The following ARB2A variants were observed in gnomAD, a reference collection of about 807,000 sequenced individuals.
The protein encoded by ARB2A is cotranscriptional regulator ARB2A.
At chr5:93,773,469 A>G in the ARB2A span, among the ~76,000 whole-genome samples, 9 of 152,346 alleles carry the variant, frequency 5.9e-5, no homozygotes, top group South Asian at 1.9e-3. Context: ...GCATACTATG[A>G]TCACCTAATT....
the ARB2A span, among the ~76,000 whole-genome samples, chr5:93,913,865 T>C: frequency 6.6e-6 from 1 of 152,016 alleles, no homozygotes; most frequent in South Asian, 2.1e-4. Flanking sequence ...TAAACTATTA[T>C]AACATTGAAT....
the ARB2A span, among the ~76,000 whole-genome samples, chr5:93,973,006 T>G: frequency 4.6e-5 from 7 of 152,160 alleles, no homozygotes; most frequent in South Asian, 1.5e-3. Flanking sequence ...TGGAATGCAG[T>G]AGCATGATCA....
the ARB2A span, among the ~76,000 whole-genome samples, chr5:93,793,239 A>ATTTTTTTTT: frequency 0.016 from 1,061 of 64,712 alleles, 124 homozygotes; most frequent in South Asian, 0.02. Flanking sequence ...CTTCTGGCTA[A>ATTTTTTTTT]TTTTTTTTTT....
At chr5:93,683,232 C>G in the ARB2A span, 9 of 1,421,814 alleles carry the variant, frequency 6.3e-6, no homozygotes, top group Middle Eastern at 2.0e-4. Flanking sequence ...TCGTCATCAT[C>G]TTCATCAGCA....
the ARB2A span, among the ~76,000 whole-genome samples, chr5:93,786,072 C>A: frequency 1.1e-4 from 16 of 152,106 alleles, no homozygotes; most frequent in African/African-American, 3.9e-4. Flanking sequence ...CCAATTGTTG[C>A]TGAAGTACAA....
chr5:93,948,296 C>CTGCATAAA, the ARB2A span, among the ~76,000 whole-genome samples: 1 of 152,162 alleles, frequency 6.6e-6, no homozygotes, highest in East Asian at 1.9e-4. Flanking sequence ...TGTTTTTTGG[C>CTGCATAAA]TGCATAAATG....
chr5:94,104,255 A>C, the ARB2A span, among the ~76,000 whole-genome samples: 1 of 152,002 alleles, frequency 6.6e-6, no homozygotes, highest in East Asian at 1.9e-4. Context: ...ACAGACCACT[A>C]GCTAGACAAA....
At chr5:93,642,895 A>G in the ARB2A span, among the ~76,000 whole-genome samples, 1 of 152,180 alleles carries the variant, frequency 6.6e-6, no homozygotes, top group Non-Finnish European at 1.5e-5. Context: ...TTAACCACCT[A>G]TAGAGAATAG....
At chr5:94,034,938 T>C in the ARB2A span, among the ~76,000 whole-genome samples, 2 of 152,070 alleles carry the variant, frequency 1.3e-5, no homozygotes, top group African/African-American at 2.4e-5. Flanking sequence ...ACGCAAGGGA[T>C]CTAGGTTGCA....
chr5:93,914,348 T>A, the ARB2A span, among the ~76,000 whole-genome samples: 1 of 151,988 alleles, frequency 6.6e-6, no homozygotes, highest in Admixed American at 6.6e-5. Context: ...GTAATGTAAA[T>A]GTTTATAAAG....
chr5:94,047,332 A>G, the ARB2A span, among the ~76,000 whole-genome samples: 1 of 152,028 alleles, frequency 6.6e-6, no homozygotes, highest in Non-Finnish European at 1.5e-5. Context: ...TCTCTACTAA[A>G]AATACAAAAA....
the ARB2A span, among the ~76,000 whole-genome samples, chr5:93,851,560 G>A: frequency 1.3e-5 from 2 of 152,020 alleles, no homozygotes; most frequent in South Asian, 2.1e-4. Flanking sequence ...CCATTAACTC[G>A]TCATTTAGCA....
the ARB2A span, among the ~76,000 whole-genome samples, chr5:93,922,802 C>T: frequency 6.6e-6 from 1 of 152,044 alleles, no homozygotes; most frequent in African/African-American, 2.4e-5. Context: ...TGACATTAGA[C>T]AACGTGGCGG....
At chr5:94,096,291 A>C in the ARB2A span, among the ~76,000 whole-genome samples, 1 of 152,226 alleles carries the variant, frequency 6.6e-6, no homozygotes. Context: ...CATTTTATAC[A>C]AGCACATAAA....
the ARB2A span, among the ~76,000 whole-genome samples, chr5:94,022,708 T>C: frequency 1.8e-3 from 272 of 152,330 alleles, 7 homozygotes; most frequent in East Asian, 0.037. Context: ...AGTTGACACA[T>C]CAATTTGCTT....
chr5:93,823,935 C>A, the ARB2A span, among the ~76,000 whole-genome samples: 1 of 151,848 alleles, frequency 6.6e-6, no homozygotes, highest in African/African-American at 2.4e-5. Flanking sequence ...AGCCTGGCGA[C>A]AGAGACTCTG....
the ARB2A span, among the ~76,000 whole-genome samples, chr5:94,035,224 CATAT>C: frequency 6.0e-5 from 9 of 150,744 alleles, no homozygotes; most frequent in African/African-American, 9.8e-5. Flanking sequence ...TATACATATA[CATAT>C]ACATATACAT....
chr5:94,021,225 T>C, the ARB2A span, among the ~76,000 whole-genome samples: 4 of 152,274 alleles, frequency 2.6e-5, no homozygotes, highest in South Asian at 8.3e-4. Flanking sequence ...AAATGGTTTA[T>C]ACAGGAAAAG....
At chr5:93,830,254 G>A in the ARB2A span, among the ~76,000 whole-genome samples, 2 of 143,738 alleles carry the variant, frequency 1.4e-5, no homozygotes, top group East Asian at 2.0e-4. Context: ...TCCATATATG[G>A]ACAGGATTAC....
Sources: allele counts gnomAD v4.1 joint callset (sites outside exome capture counted in the v4.1 genomes callset), GRCh38; gene constraint gnomAD v4.1.1; transcripts MANE v1.5; gene names NCBI Gene and HGNC (gene_info 2026-07-23, HGNC 2026-07-21).